The following ELMO1 variants were observed in gnomAD, a reference collection of about 807,000 sequenced individuals.
The protein encoded by ELMO1 is engulfment and cell motility 1.
In ELMO1, 26 loss-of-function variants were observed where a neutral mutation model predicts 98.9. The observed-to-expected ratio is 0.26, with a 90% CI of 0.19 to 0.36. The LOEUF is 0.36. Among genes scored for constraint, ELMO1 ranks in the 10% least tolerant of loss-of-function variants. The probability of loss-of-function intolerance (pLI) is 1.00; values close to 1 mark genes in which losing one functional copy is unlikely to be tolerated. For synonymous variants in ELMO1, 346 were observed against 346.0 expected (o/e 1.00, Z 0.00); for missense variants, 627 against 935.2 (o/e 0.67, Z 4.30).
chr7:36,961,024 T>C (rs1286064150), intron 16 of ELMO1, among the ~76,000 whole-genome samples: 1 of 152,092 alleles, frequency 6.6e-6, no homozygotes, highest in Non-Finnish European at 1.5e-5. Flanking sequence ...CTTAAAACCA[T>C]CCCACGTGTG....
chr7:37,362,184 T>C (rs895740702), intron 1 of ELMO1, among the ~76,000 whole-genome samples: 1 of 151,822 alleles, frequency 6.6e-6, no homozygotes, highest in Non-Finnish European at 1.5e-5. Context: ...TAAATGAAAA[T>C]TGATTTTATT....
intron 16 of ELMO1, among the ~76,000 whole-genome samples, chr7:36,961,715 T>C (rs1788967555): frequency 6.6e-6 from 1 of 152,234 alleles, no homozygotes; most frequent in Non-Finnish European, 1.5e-5. Context: ...TTAAGCATTT[T>C]TTCATAAAGA....
intron 1 of ELMO1, among the ~76,000 whole-genome samples, chr7:37,383,902 G>C (rs1432760160): frequency 6.6e-6 from 1 of 152,084 alleles, no homozygotes; most frequent in Non-Finnish European, 1.5e-5. Flanking sequence ...TGCAAGCTCC[G>C]CATCCCCGGT....
chr7:37,067,151 G>A (rs1403241931), intron 15 of ELMO1, among the ~76,000 whole-genome samples: 1 of 152,238 alleles, frequency 6.6e-6, no homozygotes, highest in African/African-American at 2.4e-5. Flanking sequence ...TTCATTTTTA[G>A]GTAAAGGTTT....
intron 21 of ELMO1, among the ~76,000 whole-genome samples, chr7:36,858,971 G>C (rs1467814617): frequency 6.6e-6 from 1 of 152,152 alleles, no homozygotes; most frequent in Non-Finnish European, 1.5e-5. Flanking sequence ...TGTTACAATA[G>C]CAACAGTAAG....
intron 1 of ELMO1, among the ~76,000 whole-genome samples, chr7:37,428,627 A>G (rs189033188): frequency 1.0e-3 from 157 of 152,368 alleles, no homozygotes; most frequent in African/African-American, 3.8e-3. Flanking sequence ...CCCCTAGGAA[A>G]TATTTTCCAC....
At chr7:36,958,528 T>A (rs1387785273) in intron 16 of ELMO1, among the ~76,000 whole-genome samples, 1 of 152,184 alleles carries the variant, frequency 6.6e-6, no homozygotes, top group Non-Finnish European at 1.5e-5. Flanking sequence ...AAAGCAATCA[T>A]AAGATAACTT....
chr7:37,438,431 CAAAAAA>C (rs543852959), intron 1 of ELMO1, among the ~76,000 whole-genome samples: 2 of 122,552 alleles, frequency 1.6e-5, no homozygotes, highest in African/African-American at 6.2e-5. Flanking sequence ...ACTAAAAATA[CAAAAAA>C]AAAAAAAAAA....
At chr7:36,878,765 G>A (rs1804176173) in intron 18 of ELMO1, among the ~76,000 whole-genome samples, 1 of 152,194 alleles carries the variant, frequency 6.6e-6, no homozygotes, top group Non-Finnish European at 1.5e-5. Context: ...CTCTGGATAG[G>A]TATGACCAGG....
chr7:37,381,271 CCGTGT>C (rs2131386181), intron 1 of ELMO1, among the ~76,000 whole-genome samples: 1 of 152,326 alleles, frequency 6.6e-6, no homozygotes, highest in South Asian at 2.1e-4. Context: ...ACTTCACAGT[CCGTGT>C]CATTCATAAG....
At chr7:36,974,019 C>A (rs1157676288) in intron 16 of ELMO1, among the ~76,000 whole-genome samples, 1 of 152,224 alleles carries the variant, frequency 6.6e-6, no homozygotes, top group Non-Finnish European at 1.5e-5. Context: ...CCTGAGCCTC[C>A]CCCCCACTCC....
chr7:37,331,359 A>ATTTTTT (rs1313323233), intron 2 of ELMO1, among the ~76,000 whole-genome samples: 13 of 81,426 alleles, frequency 1.6e-4, no homozygotes, highest in African/African-American at 2.9e-4. Flanking sequence ...TTTTTTTGGA[A>ATTTTTT]TTTTAGTAGA....
At chr7:36,958,467 C>T (rs948094248) in intron 16 of ELMO1, among the ~76,000 whole-genome samples, 1 of 152,120 alleles carries the variant, frequency 6.6e-6, no homozygotes, top group African/African-American at 2.4e-5. Context: ...TCCTTCCCTC[C>T]CTCCTCATTT....
At chr7:36,996,970 G>C (rs1374616176) in intron 16 of ELMO1, among the ~76,000 whole-genome samples, 1 of 152,222 alleles carries the variant, frequency 6.6e-6, no homozygotes, top group Non-Finnish European at 1.5e-5. Flanking sequence ...GAAGAAGAGA[G>C]AGCCAGAGGT....
intron 2 of ELMO1, among the ~76,000 whole-genome samples, chr7:37,317,038 G>C (rs1367366153): frequency 6.6e-6 from 1 of 151,882 alleles, no homozygotes; most frequent in East Asian, 1.9e-4. Flanking sequence ...TACCCCTCAG[G>C]CTGTTATAAA....
At chr7:37,096,794 T>G in intron 14 of ELMO1, 67 bp from the exon 15 acceptor site, 1 of 1,390,850 alleles carries the variant, frequency 7.2e-7, no homozygotes, top group Non-Finnish European at 1.0e-6. Context: ...AATATCACCT[T>G]CATTCCAATA....
At chr7:37,014,429 T>A (rs914695256) in intron 15 of ELMO1, among the ~76,000 whole-genome samples, 6 of 151,852 alleles carry the variant, frequency 4.0e-5, no homozygotes, top group Admixed American at 2.0e-4. Flanking sequence ...TCTCTTTTTT[T>A]AAAAAAAATA....
intron 12 of ELMO1, among the ~76,000 whole-genome samples, chr7:37,212,005 A>T (rs1793001984): frequency 6.6e-6 from 1 of 152,208 alleles, no homozygotes; most frequent in Non-Finnish European, 1.5e-5. Flanking sequence ...TAAATGGATG[A>T]ACAAAATGTG....
intron 15 of ELMO1, among the ~76,000 whole-genome samples, chr7:37,094,668 T>TC (rs1562996704): frequency 6.6e-6 from 1 of 151,712 alleles, no homozygotes; most frequent in African/African-American, 2.4e-5. Flanking sequence ...TCCAAACTAT[T>TC]CCCCCCAGGT....
Sources: gnomAD v4.1 joint callset for allele counts (sites outside exome capture counted in the v4.1 genomes callset) on GRCh38, gnomAD v4.1.1 for gene constraint, MANE v1.5 for transcripts, NCBI Gene and HGNC (gene_info 2026-07-23, HGNC 2026-07-21) for gene names.